Variants in AGBL1 observed in about 807,000 individuals in gnomAD.
AGBL1 encodes AGBL carboxypeptidase 1.
In AGBL1, 130 loss-of-function variants were observed where a neutral mutation model predicts 118.9. The observed-to-expected ratio is 1.09, with a 90% CI of 0.95 to 1.26. The LOEUF is 1.26. Among genes scored for constraint, AGBL1 ranks in the 50% most tolerant of loss-of-function variants. The probability of loss-of-function intolerance (pLI) is 0.00; values close to 1 mark genes in which losing one functional copy is unlikely to be tolerated. For missense variants in AGBL1, 1,584 were observed against 1,298.1 expected (o/e 1.22, Z -3.38); for synonymous variants, 555 against 478.9 (o/e 1.16, Z -2.08).
chr15:86,824,996 G>T (rs530912944), intron 22 of AGBL1, among the ~76,000 whole-genome samples: 28 of 152,132 alleles, frequency 1.8e-4, no homozygotes, highest in African/African-American at 6.3e-4. Context: ...GGTGGATGTT[G>T]CAATGAGCTG....
At chr15:86,509,140 ACG>A (rs1448509115) in intron 18 of AGBL1, among the ~76,000 whole-genome samples, 1 of 152,178 alleles carries the variant, frequency 6.6e-6, no homozygotes. Flanking sequence ...ATCCGGTGAC[ACG>A]CACATACACT....
At chr15:86,270,430 C>A (rs137875961) in intron 14 of AGBL1, among the ~76,000 whole-genome samples, 2 of 152,236 alleles carry the variant, frequency 1.3e-5, no homozygotes, top group African/African-American at 4.8e-5. Context: ...ACAACAAAAT[C>A]CAATTGGACA....
intron 24 of AGBL1, among the ~76,000 whole-genome samples, chr15:87,007,725 A>T (rs2081519271): frequency 6.6e-6 from 1 of 152,180 alleles, no homozygotes; most frequent in Non-Finnish European, 1.5e-5. Context: ...ATGTAAGTGA[A>T]TCCATCACAG....
At chr15:86,228,948 C>G (rs1008887841) in intron 6 of AGBL1, among the ~76,000 whole-genome samples, 1 of 152,172 alleles carries the variant, frequency 6.6e-6, no homozygotes, top group African/African-American at 2.4e-5. Context: ...CTGGAATGGT[C>G]TAATCCAAAT....
At chr15:86,822,596 T>A (rs115836747) in intron 22 of AGBL1, among the ~76,000 whole-genome samples, 1 of 152,114 alleles carries the variant, frequency 6.6e-6, no homozygotes, top group Non-Finnish European at 1.5e-5. Context: ...TTGGGTGGTG[T>A]TCTGTGGTTA....
At position 86,113,554 on chromosome 15, in the gene AGBL1, G is replaced by C. The variant is rs145419772; in HGVS notation, c.52-28450G>C. 6.8e-4 allele frequency among the ~76,000 whole-genome samples: 104 copies of C among 152,098 alleles called. 2 individuals carry two copies. The East Asian group carries it at 0.019, about 28-fold the overall frequency. ...ACCTGCCTTGGCCTCCCAAAGTGCT[G>C]GGATTACAGGTGTGAGCCACTGCAC... On this transcript the variant is annotated intron_variant, in intron 1 of 22. Transcript: ENST00000614907.
chr15:86,967,849 C>T (rs2081070245), intron 23 of AGBL1, among the ~76,000 whole-genome samples: 1 of 151,904 alleles, frequency 6.6e-6, no homozygotes, highest in African/African-American at 2.4e-5. Flanking sequence ...GTAGTTTTTT[C>T]CAATTCTGTG....
intron 5 of AGBL1, among the ~76,000 whole-genome samples, chr15:86,221,063 G>A (rs542434556): frequency 6.6e-6 from 1 of 152,006 alleles, no homozygotes; most frequent in Non-Finnish European, 1.5e-5. Context: ...AGCCAGGCAT[G>A]GTGGCATGCC....
intron 22 of AGBL1, among the ~76,000 whole-genome samples, chr15:86,705,257 A>G (rs1162289116): frequency 6.6e-6 from 1 of 152,182 alleles, no homozygotes; most frequent in Non-Finnish European, 1.5e-5. Flanking sequence ...TACCTGTATA[A>G]CAAACATGCA....
At chr15:86,627,342 A>G (rs2084903876) in intron 21 of AGBL1, among the ~76,000 whole-genome samples, 1 of 152,182 alleles carries the variant, frequency 6.6e-6, no homozygotes, top group Non-Finnish European at 1.5e-5. Context: ...TTGTCTGGGC[A>G]TGGATGCTGG....
chr15:86,627,254 C>A (rs62031336), intron 21 of AGBL1, among the ~76,000 whole-genome samples: 40,388 of 152,070 alleles, frequency 0.27, 5,830 homozygotes, highest in East Asian at 0.42. Context: ...CCCACCTCAG[C>A]CTCCCAAAGT....
chr15:86,989,210 G>T (rs1294369013), intron 24 of AGBL1, among the ~76,000 whole-genome samples: 1 of 151,762 alleles, frequency 6.6e-6, no homozygotes, highest in African/African-American at 2.4e-5. Flanking sequence ...TATGTTGCCT[G>T]GGCTGGTCTC....
intron 16 of AGBL1, among the ~76,000 whole-genome samples, chr15:86,283,051 G>A (rs757834519): frequency 8.6e-5 from 13 of 152,022 alleles, no homozygotes; most frequent in Non-Finnish European, 1.3e-4. Context: ...TTGGATAATC[G>A]TTCGTTTTAT....
intron 13 of AGBL1, 30 bp downstream of exon 13, chr15:86,267,106 C>T (rs1228552437): frequency 2.7e-6 from 4 of 1,501,540 alleles, no homozygotes. Flanking sequence ...GTGGGTGTCT[C>T]CTGTCAGTTC....
intron 22 of AGBL1, among the ~76,000 whole-genome samples, chr15:86,898,229 A>C (rs1173330619): frequency 6.6e-6 from 1 of 152,172 alleles, no homozygotes; most frequent in Non-Finnish European, 1.5e-5. Flanking sequence ...CTGCTGTCTA[A>C]AAAGTAGCTT....
At position 86,312,930 on chromosome 15, in the gene AGBL1, C is replaced by A. The variant is rs1026871834; in HGVS notation, c.2374+17522C>A. Among the ~76,000 whole-genome samples the A allele has an allele frequency of 2.6e-5, 4 of 152,156 alleles. No individual in the cohort carries two copies. The East Asian group carries it at 5.8e-4, about 22-fold the overall frequency. ...CAACAAAAATAACTCCCATCATTAG[C>A]AACATGACAAGTGAAAGGACCTGCA... On this transcript the variant is annotated intron_variant, in intron 17 of 22. Coordinates refer to ENST00000614907, the MANE Select transcript of AGBL1 (RefSeq NM_001386094.1).
At chr15:86,320,152 TATTGAGATTTTTC>T (rs1470954407) in intron 17 of AGBL1, among the ~76,000 whole-genome samples, 1 of 152,200 alleles carries the variant, frequency 6.6e-6, no homozygotes, top group South Asian at 2.1e-4. Flanking sequence ...ATAAAATGTC[TATTGAGATTTTTC>T]ATTGAGATTT....
chr15:87,028,987 A>T, exon 25 of AGBL1: 1 of 760,246 alleles, frequency 1.3e-6, no homozygotes, highest in Non-Finnish European at 2.1e-6. Flanking sequence ...TCCCTTATCT[A>T]GTATATCTAC....
chr15:86,827,318 C>CAT (rs1243146332), intron 22 of AGBL1, among the ~76,000 whole-genome samples: 9 of 11,292 alleles, frequency 8.0e-4, no homozygotes, highest in South Asian at 2.7e-3. Flanking sequence ...TATATATATA[C>CAT]ACACACATAT....
Sources: gnomAD v4.1 joint callset for allele counts (sites outside exome capture counted in the v4.1 genomes callset) on GRCh38, gnomAD v4.1.1 for gene constraint, MANE v1.5 for transcripts, NCBI Gene and HGNC (gene_info 2026-07-23, HGNC 2026-07-21) for gene names.